USP22: variants seen among roughly 807,000 people sequenced by gnomAD.
USP22 encodes ubiquitin carboxyl-terminal hydrolase 22.
Under a neutral mutation model 68.1 loss-of-function variants are expected in USP22, and 22 were observed. That is an observed-to-expected ratio of 0.32 (90% CI 0.23 to 0.46). The LOEUF is 0.46. Among genes scored for constraint, USP22 ranks in the 20% least tolerant of loss-of-function variants. The pLI, the probability that USP22 is intolerant of heterozygous loss-of-function variation, is 1.00. For missense variants in USP22, 433 were observed against 695.8 expected (o/e 0.62, Z 4.25); for synonymous variants, 279 against 274.2 (o/e 1.02, Z -0.17).
intron 6 of USP22, among the ~76,000 whole-genome samples, chr17:21,015,035 C>T (rs1306721379): frequency 6.6e-6 from 1 of 152,228 alleles, no homozygotes; most frequent in Non-Finnish European, 1.5e-5. Flanking sequence ...CTCAGTCTCT[C>T]TGCCTGTATG....
At chr17:21,039,385 C>T (rs1246500817) in intron 1 of USP22, among the ~76,000 whole-genome samples, 1 of 151,578 alleles carries the variant, frequency 6.6e-6, no homozygotes, top group African/African-American at 2.4e-5. Flanking sequence ...CGAGACCAGT[C>T]TGACCAACAT....
chr17:21,021,144 C>T lies in USP22; in HGVS notation c.387G>A (p.Lys129=). ...TTTTCCAAGCTTTTCGCTGCTCCTC[C>T]TTGGCGATTATTTCCATGTCTTTGT... is the stretch of plus-strand genomic sequence containing the variant. ...IYDKDMEIIA[K]EEQRKAWKMQ... The change falls in exon 3 of 13, where the codon AAG becomes AAA. Residue 129 remains lysine (K), a synonymous_variant. Transcript: ENST00000261497. The T allele has an allele frequency of 6.2e-7, 1 of 1,614,160 alleles. No individual in the cohort carries two copies. Among genetic ancestry groups the T allele is most frequent in the South Asian group, 1.1e-5 (1 of 91,082 alleles).
intron 2 of USP22, among the ~76,000 whole-genome samples, chr17:21,027,747 T>C (rs1057457490): frequency 6.6e-6 from 1 of 152,096 alleles, no homozygotes. Context: ...GGCAGGAGGA[T>C]CACATGAGGT....
intron 1 of USP22, among the ~76,000 whole-genome samples, chr17:21,030,998 A>G (rs1209895432): frequency 6.6e-6 from 1 of 152,228 alleles, no homozygotes; most frequent in Non-Finnish European, 1.5e-5. Flanking sequence ...CAGCCCTCAG[A>G]TGATTCAGAA....
At chr17:21,004,381 G>A in intron 11 of USP22, 30 bp from the exon 12 acceptor site, 14 of 1,609,434 alleles carry the variant, frequency 8.7e-6, no homozygotes, top group East Asian at 2.2e-5. Context: ...GAGGGAGGGC[G>A]CAGGTGACTT....
intron 1 of USP22, among the ~76,000 whole-genome samples, chr17:21,036,531 G>GGT (rs974401478): frequency 1.5e-5 from 2 of 130,930 alleles, no homozygotes; most frequent in Non-Finnish European, 3.3e-5. Flanking sequence ...GGGGGGGGGG[G>GGT]GTCAAGTCAT....
chr17:21,028,157 G>A (rs1340614951), intron 2 of USP22, among the ~76,000 whole-genome samples: 2 of 152,126 alleles, frequency 1.3e-5, no homozygotes, highest in African/African-American at 2.4e-5. Context: ...AATCACCTAT[G>A]CCCACCCAAC....
At chr17:21,010,125 C>T (rs1006207981) in intron 8 of USP22, among the ~76,000 whole-genome samples, 3 of 152,128 alleles carry the variant, frequency 2.0e-5, no homozygotes, top group African/African-American at 7.2e-5. Flanking sequence ...GATGGCACCA[C>T]TGCACTCCAG....
chr17:21,016,868 ACT>A (rs1972089434), intron 5 of USP22, among the ~76,000 whole-genome samples: 1 of 152,136 alleles, frequency 6.6e-6, no homozygotes, highest in South Asian at 2.1e-4. Flanking sequence ...ATTCGTCGAA[ACT>A]CATCTATCTA....
chr17:21,020,244 C>CAAAAAAAAAAACAA (rs1972136476), intron 3 of USP22, among the ~76,000 whole-genome samples: 1 of 73,252 alleles, frequency 1.4e-5, no homozygotes, highest in Admixed American at 1.7e-4. Flanking sequence ...AATCAAAAAC[C>CAAAAAAAAAAACAA]AAAAAAAAAA....
chr17:21,009,169 G>C (rs1481313572), intron 8 of USP22, among the ~76,000 whole-genome samples: 1 of 151,828 alleles, frequency 6.6e-6, no homozygotes, highest in Non-Finnish European at 1.5e-5. Context: ...CAGGAGGTAG[G>C]AGGGCTGCAT....
chr17:21,025,599 C>T (rs1005520995), intron 2 of USP22, among the ~76,000 whole-genome samples: 6 of 152,292 alleles, frequency 3.9e-5, no homozygotes, highest in Non-Finnish European at 7.4e-5. Flanking sequence ...ACAACCCACA[C>T]GTCCATCAGC....
intron 8 of USP22, among the ~76,000 whole-genome samples, chr17:21,008,513 T>C (rs1032223318): frequency 6.6e-6 from 1 of 152,130 alleles, no homozygotes; most frequent in Admixed American, 6.5e-5. Flanking sequence ...AAAGCCAATC[T>C]CAAAGGGTTC....
In USP22 at chr17:21,010,259, A is replaced by G. The variant is rs1364322825; in HGVS notation, c.1103+892T>C. Among the ~76,000 whole-genome samples the G allele has an allele frequency of 5.3e-5, 8 of 152,380 alleles. No homozygotes were observed. In the East Asian group the frequency reaches 1.3e-3, roughly 26 times the overall value. ...CTCTTCTAAGGGATACTTCCACTCA[A>G]CAAGGACTCTTCTGCATTACCTTTA... is the stretch of plus-strand genomic sequence containing the variant. On this transcript the variant is annotated intron_variant, in intron 8 of 12. Coordinates refer to ENST00000261497, the MANE Select transcript of USP22 (RefSeq NM_015276.2).
chr17:21,012,159 A>G (rs1043908456), intron 7 of USP22, among the ~76,000 whole-genome samples: 2 of 152,194 alleles, frequency 1.3e-5, no homozygotes, highest in Non-Finnish European at 2.9e-5. Flanking sequence ...ACGGTGGCCC[A>G]TGCCTGTAGT....
chr17:21,028,305 G>A (rs1049429558), intron 2 of USP22, among the ~76,000 whole-genome samples: 2 of 152,138 alleles, frequency 1.3e-5, no homozygotes, highest in Non-Finnish European at 2.9e-5. Flanking sequence ...GAAGTCAGCT[G>A]GACATAAGAC....
Position 21,007,965 on chromosome 17 carries a change from C to T in USP22, c.1135G>A (p.Ala379Thr). 1.2e-6 allele frequency: 2 copies of T among 1,614,046 alleles called. No homozygotes were observed. Among genetic ancestry groups the T allele is most frequent in the Non-Finnish European group, 1.7e-6 (2 of 1,179,994 alleles). Residue 379 changes from alanine to threonine, a missense_variant, in exon 9 of 13, where the codon GCC becomes ACC. Physicochemically the swap from Ala to Thr is moderately conservative, Grantham distance 58. Coordinates refer to ENST00000261497, the MANE Select transcript of USP22 (RefSeq NM_015276.2). The part of the protein sequence containing the change: ...FTRPEHLGSS[A>T]KIKCSGCHSY... The stretch of plus-strand genomic sequence containing the variant: ...TGGCAACCGCTGCACTTGATCTTGG[C>T]GCTGCTGCCCAAGTGCTCTGGTCTG...
In USP22 at chr17:21,019,164, G is replaced by A; in HGVS notation, c.440C>T (p.Thr147Ile). Reference sequence around the variant, plus strand: ...AAGCTCCCGTTTGGTTGGTTCCCAAGTTGAAAACTTCTCTCCAACGCCTAA... The same window carrying A: ...AAGCTCCCGTTTGGTTGGTTCCCAAATTGAAAACTTCTCTCCAACGCCTAA... ...KMQGVGEKFS[T>I]WEPTKRELEL... The change falls in exon 4 of 13, where the codon ACT becomes ATT. Residue 147 changes from threonine (T) to isoleucine (I), a missense_variant. By Grantham distance (89) the Thr-to-Ile change is moderately conservative. Around this residue, in one of 4 missense-constraint regions of USP22, gnomAD observed 144 missense variants for 237.2 expected, o/e 0.61. Coordinates refer to ENST00000261497, the MANE Select transcript of USP22 (RefSeq NM_015276.2). 2.5e-6 allele frequency: 4 copies of A among 1,614,160 alleles called. No homozygotes were observed. Among genetic ancestry groups the A allele is most frequent in the Non-Finnish European group, 3.4e-6 (4 of 1,179,988 alleles).
chr17:21,008,285 A>C (rs1488665709), intron 8 of USP22, among the ~76,000 whole-genome samples: 1 of 152,170 alleles, frequency 6.6e-6, no homozygotes, highest in Non-Finnish European at 1.5e-5. Context: ...AGAGAAATGA[A>C]AACTAATGTT....
Sources: gnomAD v4.1 joint callset for allele counts (sites outside exome capture counted in the v4.1 genomes callset) on GRCh38, gnomAD v4.1.1 for gene constraint, gnomAD v4.1.1 regional missense constraint, MANE v1.5 for transcripts, NCBI Gene and HGNC (gene_info 2026-07-23, HGNC 2026-07-21) for gene names.